The following OGDH variants were observed in gnomAD, a reference collection of about 807,000 sequenced individuals.
The protein encoded by OGDH is 2-oxoglutarate dehydrogenase complex component E1.
In OGDH, 38 loss-of-function variants were observed where a neutral mutation model predicts 116.6. The observed-to-expected ratio is 0.33, with a 90% CI of 0.25 to 0.43. The LOEUF is 0.43. Ranked by LOEUF, OGDH falls within the 20% of genes least tolerant of loss-of-function variation. The probability of loss-of-function intolerance (pLI) is 1.00; values close to 1 mark genes in which losing one functional copy is unlikely to be tolerated. For synonymous variants in OGDH, 488 were observed against 533.3 expected (o/e 0.92, Z 1.17); for missense variants, 825 against 1,357.2 (o/e 0.61, Z 6.16).
intron 2 of OGDH, among the ~76,000 whole-genome samples, chr7:44,643,902 A>G (rs374601838): frequency 4.7e-5 from 7 of 150,438 alleles, no homozygotes; most frequent in African/African-American, 1.2e-4. Flanking sequence ...CAATGTTTCT[A>G]TTTTTTTTTT....
chr7:44,661,720 G>C (rs1490244491), intron 4 of OGDH, among the ~76,000 whole-genome samples: 3 of 152,008 alleles, frequency 2.0e-5, no homozygotes, highest in Admixed American at 2.0e-4. Context: ...TCCTGCCTCA[G>C]CCTCCTGAGT....
At chr7:44,689,278 C>A (rs1053472620) in intron 10 of OGDH, among the ~76,000 whole-genome samples, 11 of 136,940 alleles carry the variant, frequency 8.0e-5, no homozygotes, top group African/African-American at 3.0e-4. Context: ...TGCAGTGGTA[C>A]AGTCTTAGCT....
chr7:44,642,936 T>TAAA, intron 2 of OGDH, among the ~76,000 whole-genome samples: 1 of 149,076 alleles, frequency 6.7e-6, no homozygotes, highest in South Asian at 2.1e-4. Flanking sequence ...AAAAAAAAAA[T>TAAA]TTTTAAATAT....
intron 9 of OGDH, among the ~76,000 whole-genome samples, chr7:44,680,820 A>C (rs1467301452): frequency 6.6e-6 from 1 of 152,158 alleles, no homozygotes; most frequent in African/African-American, 2.4e-5. Flanking sequence ...GGTGCTCATG[A>C]ATGAAAGAGA....
At chr7:44,687,508 G>A (rs1033632373) in intron 10 of OGDH, among the ~76,000 whole-genome samples, 1 of 151,998 alleles carries the variant, frequency 6.6e-6, no homozygotes, top group African/African-American at 2.4e-5. Context: ...CTCCACCTCC[G>A]AGGCTCAAGC....
At chr7:44,672,644 G>GTT (rs539935339) in intron 5 of OGDH, among the ~76,000 whole-genome samples, 19 of 134,028 alleles carry the variant, frequency 1.4e-4, no homozygotes, top group Middle Eastern at 3.8e-3. Context: ...TTTGTTTTTT[G>GTT]TTTTTTTTTT....
chr7:44,641,406 A>G (rs561643576), intron 2 of OGDH, among the ~76,000 whole-genome samples: 2 of 151,002 alleles, frequency 1.3e-5, no homozygotes, highest in Non-Finnish European at 3.0e-5. Flanking sequence ...TTGTATTTTT[A>G]GTAGAGACGG....
chr7:44,611,126 A>T (rs1585207189), intron 1 of OGDH, among the ~76,000 whole-genome samples: 1 of 142,462 alleles, frequency 7.0e-6, no homozygotes, highest in East Asian at 2.1e-4. Context: ...CCCAGGCTGG[A>T]GTGCAGTGGC....
intron 4 of OGDH, among the ~76,000 whole-genome samples, chr7:44,652,260 C>T (rs180950666): frequency 6.6e-6 from 1 of 152,062 alleles, no homozygotes; most frequent in Non-Finnish European, 1.5e-5. Context: ...AGGCACCCAC[C>T]ACCATGCCCA....
chr7:44,678,936 T>G (rs1363253211), intron 9 of OGDH, among the ~76,000 whole-genome samples: 3 of 152,248 alleles, frequency 2.0e-5, no homozygotes, highest in African/African-American at 7.2e-5. Flanking sequence ...AGACCTGATT[T>G]GGCTCAGTGC....
At chr7:44,680,712 G>A (rs1378981549) in intron 9 of OGDH, among the ~76,000 whole-genome samples, 4 of 152,192 alleles carry the variant, frequency 2.6e-5, no homozygotes, top group Admixed American at 2.0e-4. Flanking sequence ...TCTACTGGAG[G>A]AAGCTGGCTT....
At chr7:44,706,323 A>AT (rs111830281) in intron 20 of OGDH, among the ~76,000 whole-genome samples, 141 of 142,466 alleles carry the variant, frequency 9.9e-4, no homozygotes, top group Admixed American at 1.6e-3. Flanking sequence ...TTTTTATATA[A>AT]TTTTTTTTTT....
chr7:44,654,007 A>T (rs1347219303), intron 4 of OGDH, among the ~76,000 whole-genome samples: 2 of 152,026 alleles, frequency 1.3e-5, no homozygotes, highest in African/African-American at 2.4e-5. Context: ...AGCATGTGCC[A>T]CTATGCCTGG....
At chr7:44,658,836 T>TTAG in intron 4 of OGDH, among the ~76,000 whole-genome samples, 1 of 152,124 alleles carries the variant, frequency 6.6e-6, no homozygotes. Context: ...TGATTTATTA[T>TTAG]TATTATTATT....
chr7:44,686,676 A>C (rs999392789), intron 10 of OGDH, among the ~76,000 whole-genome samples: 11 of 131,034 alleles, frequency 8.4e-5, no homozygotes, highest in African/African-American at 2.9e-4. Context: ...GAAGGTTTTT[A>C]TTTTCTTTTT....
At chr7:44,705,376 G>C (rs1231930888) in intron 20 of OGDH, among the ~76,000 whole-genome samples, 2 of 152,138 alleles carry the variant, frequency 1.3e-5, no homozygotes, top group Non-Finnish European at 2.9e-5. Context: ...CATGAAGTCA[G>C]ATTTGTCTAT....
At chr7:44,660,757 T>TCCACCACCACCAACAACAAA (rs1786900826) in intron 4 of OGDH, among the ~76,000 whole-genome samples, 2 of 152,088 alleles carry the variant, frequency 1.3e-5, no homozygotes, top group Admixed American at 1.3e-4. Flanking sequence ...GACCCCTGTT[T>TCCACCACCACCAACAACAAA]CCACCACCAC....
At chr7:44,627,154 G>A (rs1375668771) in intron 2 of OGDH, among the ~76,000 whole-genome samples, 2 of 152,062 alleles carry the variant, frequency 1.3e-5, no homozygotes, top group East Asian at 3.9e-4. Context: ...GTGCCACCAC[G>A]CCCGGCTAAT....
chr7:44,666,762 C>T lies in OGDH; in HGVS notation c.544C>T (p.Leu182Phe), dbSNP rs186352629. 1 of 1,612,872 alleles carries T rather than the reference C, an allele frequency of 6.2e-7. No homozygotes were observed. The highest frequency in any genetic ancestry group is 8.5e-7 in the Non-Finnish European group (1 of 1,179,432). ...LGFYGLDESDLDKVFHLPTTT... is the reference protein window; with the variant it reads ...LGFYGLDESDFDKVFHLPTTT... ...GTTCTATGGCCTGGATGAGTCTGACCTCGACAAGGTCTTCCACTTGCCCAC... is the reference window on the plus strand; with the variant it reads ...GTTCTATGGCCTGGATGAGTCTGACTTCGACAAGGTCTTCCACTTGCCCAC... Residue 182 changes from leucine to phenylalanine, a missense_variant, in exon 5 of 23, where the codon CTC becomes TTC. Physicochemically the swap from Leu to Phe is conservative, Grantham distance 22 (BLOSUM62 0). Around this residue, in one of 7 missense-constraint regions of OGDH, gnomAD observed 171 missense variants for 276.8 expected, o/e 0.62. Transcript: ENST00000222673.
Sources: allele counts gnomAD v4.1 joint callset (sites outside exome capture counted in the v4.1 genomes callset), GRCh38; gene constraint gnomAD v4.1.1; regional missense constraint gnomAD v4.1.1; transcripts MANE v1.5; gene names NCBI Gene and HGNC (gene_info 2026-07-23, HGNC 2026-07-21).